ARHGAP15: variants seen among roughly 807,000 people sequenced by gnomAD.
ARHGAP15 encodes the protein Rho GTPase activating protein 15.
In ARHGAP15, 51 loss-of-function variants were observed where a neutral mutation model predicts 63.7. The observed-to-expected ratio is 0.80, with a 90% CI of 0.64 to 1.01. The LOEUF is 1.01. Ranked by LOEUF, ARHGAP15 falls within the 50% of genes least tolerant of loss-of-function variation. The pLI, the probability that ARHGAP15 is intolerant of heterozygous loss-of-function variation, is 0.00. For missense variants in ARHGAP15, 560 were observed against 564.6 expected (o/e 0.99, Z 0.08); for synonymous variants, 191 against 193.8 (o/e 0.99, Z 0.12).
At chr2:143,302,912 A>G (rs568603491) in intron 6 of ARHGAP15, among the ~76,000 whole-genome samples, 1 of 152,070 alleles carries the variant, frequency 6.6e-6, no homozygotes, top group Admixed American at 6.6e-5. Flanking sequence ...TCTGTAAATA[A>G]GTATAAAATT....
At chr2:143,640,102 A>T (rs1680534125) in intron 12 of ARHGAP15, among the ~76,000 whole-genome samples, 1 of 152,132 alleles carries the variant, frequency 6.6e-6, no homozygotes, top group Admixed American at 6.6e-5. Flanking sequence ...ACCAACGAAA[A>T]TATCGTTTTA....
At chr2:143,384,492 T>C (rs1687185353) in intron 6 of ARHGAP15, among the ~76,000 whole-genome samples, 1 of 151,436 alleles carries the variant, frequency 6.6e-6, no homozygotes, top group Admixed American at 6.6e-5. Context: ...ATCCTGACCA[T>C]ATGGAAAGGA....
chr2:143,476,647 C>G (rs538537156), intron 8 of ARHGAP15, among the ~76,000 whole-genome samples: 210 of 152,280 alleles, frequency 1.4e-3, no homozygotes, highest in African/African-American at 4.8e-3. Context: ...ATGAGAGTCA[C>G]AGGGTCATTA....
intron 1 of ARHGAP15, among the ~76,000 whole-genome samples, chr2:143,153,879 C>CTCCTCT (rs1689971629): frequency 2.7e-4 from 20 of 74,186 alleles, no homozygotes; most frequent in East Asian, 1.8e-3. Context: ...CCTCTTCCTC[C>CTCCTCT]TCCTCCTCCT....
intron 10 of ARHGAP15, among the ~76,000 whole-genome samples, chr2:143,550,162 G>A (rs1695492554): frequency 1.3e-5 from 2 of 152,014 alleles, no homozygotes; most frequent in Non-Finnish European, 2.9e-5. Context: ...TTTAATCCAA[G>A]AGCAAAAGCA....
At chr2:143,446,388 A>G (rs1417415525) in intron 8 of ARHGAP15, among the ~76,000 whole-genome samples, 2 of 151,978 alleles carry the variant, frequency 1.3e-5, no homozygotes, top group East Asian at 3.9e-4. Context: ...GTACTTTTGC[A>G]ACTGTTGAAA....
chr2:143,445,164 T>TTTA (rs1553482046), intron 8 of ARHGAP15, among the ~76,000 whole-genome samples: 1 of 130,852 alleles, frequency 7.6e-6, no homozygotes, highest in Non-Finnish European at 1.6e-5. Context: ...TTTTTTTTTT[T>TTTA]TTTTTTTTTT....
chr2:143,483,590 A>G (rs1051801450), intron 8 of ARHGAP15, among the ~76,000 whole-genome samples: 2 of 152,214 alleles, frequency 1.3e-5, no homozygotes, highest in Non-Finnish European at 2.9e-5. Context: ...GTGTTTCTTC[A>G]GTCTCCAACA....
intron 7 of ARHGAP15, 82 bp downstream of exon 7, chr2:143,435,781 A>T: frequency 7.4e-7 from 1 of 1,350,444 alleles, no homozygotes; most frequent in Non-Finnish European, 1.0e-6. Flanking sequence ...TAACACACAC[A>T]CTCATTTAAA....
At chr2:143,144,020 G>T (rs1480159871) in intron 1 of ARHGAP15, among the ~76,000 whole-genome samples, 1 of 151,982 alleles carries the variant, frequency 6.6e-6, no homozygotes, top group African/African-American at 2.4e-5. Context: ...TGCAGTATTT[G>T]GTTTTCTGTT....
chr2:143,750,150 A>T (rs916599162), intron 13 of ARHGAP15, among the ~76,000 whole-genome samples: 25 of 152,214 alleles, frequency 1.6e-4, no homozygotes, highest in African/African-American at 5.8e-4. Flanking sequence ...ATAAAAATTA[A>T]TGTTTCTGGC....
intron 6 of ARHGAP15, among the ~76,000 whole-genome samples, chr2:143,416,007 C>A (rs1558956379): frequency 6.6e-6 from 1 of 151,942 alleles, no homozygotes; most frequent in East Asian, 1.9e-4. Flanking sequence ...GCATAAAAGA[C>A]TACAAATCAG....
rs140446909 is a variant in ARHGAP15, at chr2:143,512,907, T to A, written c.827-6359T>A. On this transcript the variant is annotated intron_variant, in intron 9 of 13. Transcript: ENST00000295095. ...GCTGTCCCAGCCCCCAGGGTTTAAG[T>A]GTAGGCAGCCTAGAGTTCTCATCCC... 3.2e-3 allele frequency among the ~76,000 whole-genome samples: 482 copies of A among 152,326 alleles called. 6 individuals carry two copies. The highest frequency in any genetic ancestry group is 1.1e-3 in the Non-Finnish European group (72 of 68,036).
chr2:143,260,058 AAAG>A (rs1277645833), intron 6 of ARHGAP15, among the ~76,000 whole-genome samples: 2 of 152,276 alleles, frequency 1.3e-5, no homozygotes, highest in African/African-American at 2.4e-5. Context: ...GAATGTCAAA[AAAG>A]AAAATGTACA....
chr2:143,658,142 TTTG>T (rs1295101364), intron 12 of ARHGAP15, among the ~76,000 whole-genome samples: 2 of 152,226 alleles, frequency 1.3e-5, no homozygotes, highest in Non-Finnish European at 2.9e-5. Flanking sequence ...GGGATCTTAA[TTTG>T]TTCTCTGGCC....
rs571288915 is a variant in ARHGAP15, at chr2:143,703,625, A to G, written c.1244+101A>G. The stretch of plus-strand genomic sequence containing the variant: ...AAGGCAAGAGTTTCCAAATGCGTAC[A>G]TCTCGTATTTTCCCTTGTAGCTGAA... On this transcript the variant is annotated intron_variant, in intron 13 of 13. Transcript: ENST00000295095. 1.1e-5 allele frequency: 9 copies of G among 846,468 alleles called. No individual in the cohort carries two copies. The Admixed American group carries it at 2.2e-4, about 21-fold the overall frequency. The allele number at this position is 846,468 out of a possible 1,614,324, so 52.4% of individuals were successfully genotyped here. A position where few individuals can be genotyped will look rare whatever the true frequency, so the allele number is the denominator to read the frequency against.
At chr2:143,471,255 C>T (rs550338467) in intron 8 of ARHGAP15, among the ~76,000 whole-genome samples, 66 of 148,928 alleles carry the variant, frequency 4.4e-4, no homozygotes, top group African/African-American at 1.6e-3. Flanking sequence ...TATATACACA[C>T]ATATATATAT....
At chr2:143,476,753 A>T (rs1456609407) in intron 8 of ARHGAP15, among the ~76,000 whole-genome samples, 1 of 152,250 alleles carries the variant, frequency 6.6e-6, no homozygotes, top group East Asian at 1.9e-4. Context: ...TATTTTGCAA[A>T]CACATAGCAA....
chr2:143,611,959 C>T (rs188464275), intron 11 of ARHGAP15, among the ~76,000 whole-genome samples: 1 of 152,160 alleles, frequency 6.6e-6, no homozygotes, highest in African/African-American at 2.4e-5. Context: ...TTCATGGTAT[C>T]TTGCTGGGCT....
Sources: allele counts gnomAD v4.1 joint callset (sites outside exome capture counted in the v4.1 genomes callset), GRCh38; gene constraint gnomAD v4.1.1; transcripts MANE v1.5; gene names NCBI Gene and HGNC (gene_info 2026-07-23, HGNC 2026-07-21).